NPHP3: variants seen among roughly 807,000 people sequenced by gnomAD.
NPHP3 encodes the protein nephrocystin 3.
Under a neutral mutation model 171.9 loss-of-function variants are expected in NPHP3, and 123 were observed. The ratio of observed to expected loss-of-function variants is 0.72; its 90% CI spans 0.62 to 0.83. The LOEUF (loss-of-function observed/expected upper bound fraction) is 0.83, where lower values mean the gene tolerates loss of function less well. Among genes scored for constraint, NPHP3 ranks in the 40% least tolerant of loss-of-function variants. The probability of loss-of-function intolerance (pLI) is 0.00; values close to 1 mark genes in which losing one functional copy is unlikely to be tolerated. For missense variants in NPHP3, 1,506 were observed against 1,591.9 expected (o/e 0.95, Z 0.92); for synonymous variants, 558 against 579.2 (o/e 0.96, Z 0.52).
intron 13 of NPHP3, 40 bp downstream of exon 13, chr3:132,699,313 C>T: frequency 7.3e-7 from 1 of 1,364,208 alleles, no homozygotes; most frequent in East Asian, 2.3e-5. Context: ...GTACTTAAAA[C>T]ATTTCATGTA....
intron 1 of NPHP3, 179 bp downstream of exon 1, chr3:132,721,782 CAA>C (rs764043912): frequency 2.3e-6 from 2 of 860,292 alleles, no homozygotes; most frequent in South Asian, 1.4e-5. Context: ...ACCCTGTCTC[CAA>C]AAAAAGAGAC....
chr3:132,681,821 ACAT>A lies in NPHP3; in HGVS notation c.*86_*88del, dbSNP rs1167245527. 6.5e-6 allele frequency: 8 copies of A among 1,233,292 alleles called. No individual in the cohort carries two copies. In the African/African-American group the frequency reaches 1.2e-4, roughly 18 times the overall value. The allele number at this position is 1,233,292 out of a possible 1,614,324, so 76.4% of individuals were successfully genotyped here. On this transcript the variant is annotated 3_prime_UTR_variant, in exon 27 of 27. Transcript: ENST00000337331. ...ATCACACGTAGTAAAATTTCGTACA[ACAT>A]TTTTTTAAAGTTTCAAATTCAAATG...
At chr3:132,707,952 C>A in intron 7 of NPHP3, 149 bp downstream of exon 7, 1 of 733,474 alleles carries the variant, frequency 1.4e-6, no homozygotes. Flanking sequence ...ATGAGGCCCC[C>A]TCTCCTCCTA....
chr3:132,689,314 T>C (rs113786479), intron 19 of NPHP3, 51 bp from the exon 20 acceptor site: 10 of 1,575,182 alleles, frequency 6.3e-6, no homozygotes, highest in Non-Finnish European at 8.7e-6. Context: ...TTAAAATCCA[T>C]TACAGAATCA....
At position 132,713,230 on chromosome 3, in the gene NPHP3, A is replaced by G. The variant is rs776100052; in HGVS notation, c.1014T>C (p.Ala338=). The change falls in exon 6 of 27, where the codon GCT becomes GCC. Residue 338 remains alanine (A), a synonymous_variant. Transcript: ENST00000337331. Reference sequence around the variant, plus strand: ...TTTCAACATCTATTGGAAAATAAACAGCATGGAAAAAATATCCCATTGTCT... The same window carrying G: ...TTTCAACATCTATTGGAAAATAAACGGCATGGAAAAAATATCCCATTGTCT... ...MCETMGYFFH[A]VYFPIDVENQ... is the part of the protein sequence containing the mutation. 1.2e-6 allele frequency: 2 copies of G among 1,602,076 alleles called. No individual in the cohort carries two copies. Among genetic ancestry groups the G allele is most frequent in the Non-Finnish European group, 1.7e-6 (2 of 1,172,372 alleles).
intron 1 of NPHP3, among the ~76,000 whole-genome samples, 173 bp from the exon 2 acceptor site, chr3:132,720,003 T>C (rs1484608358): frequency 6.6e-6 from 1 of 152,040 alleles, no homozygotes; most frequent in Admixed American, 6.5e-5. Flanking sequence ...CAAAACATGA[T>C]GGAAAAAAAC....
In NPHP3 at chr3:132,684,751, G is replaced by A. The variant is rs368138001; in HGVS notation, c.3373C>T (p.Arg1125Ter). 12 of 1,613,600 alleles carry A rather than the reference G, an allele frequency of 7.4e-6. No individual in the cohort carries two copies. The highest frequency in any genetic ancestry group is 3.3e-5 in the Admixed American group (2 of 59,986). The change falls in exon 24 of 27, where the codon CGA (arginine) becomes TGA (stop). Residue 1125 changes from arginine (R) to a stop codon, truncating the protein, a stop_gained. Coordinates refer to ENST00000337331, the MANE Select transcript of NPHP3 (RefSeq NM_153240.5). LOFTEE classifies it high-confidence loss of function. ...FLKRSLEMRERVLGPDHPDCA... is the reference protein window; with the variant it reads ...FLKRSLEMRE ...TCAGGGTGATCTGGTCCTAGAACTC[G>A]CTCCCTCATTTCTAAGGAACGCTTC...
At chr3:132,686,127 TA>T in intron 23 of NPHP3, 132 bp downstream of exon 23, 1 of 867,944 alleles carries the variant, frequency 1.2e-6, no homozygotes, top group Non-Finnish European at 1.9e-6. Flanking sequence ...GCTCATTATA[TA>T]ACATCATACA....
chr3:132,714,343 C>T (rs1576683778), intron 5 of NPHP3, among the ~76,000 whole-genome samples: 2 of 152,212 alleles, frequency 1.3e-5, no homozygotes, highest in Admixed American at 1.3e-4. Context: ...GCTATAGTGA[C>T]CCTTGCCTTA....
intron 6 of NPHP3, 35 bp downstream of exon 6, chr3:132,713,091 C>T (rs761475657): frequency 1.1e-5 from 13 of 1,176,334 alleles, no homozygotes; most frequent in East Asian, 2.5e-5. Context: ...TTACAGTTTA[C>T]TGCTTATAAT....
chr3:132,696,682 CA>C, intron 15 of NPHP3, 48 bp downstream of exon 15: 1 of 1,532,208 alleles, frequency 6.5e-7, no homozygotes, highest in Non-Finnish European at 9.0e-7. Flanking sequence ...AAAGGGTCTG[CA>C]GCAAACACAA....
chr3:132,708,133 C>A lies in NPHP3; in HGVS notation c.1243G>T (p.Val415Phe), dbSNP rs538529082. Residue 415 changes from valine (V) to phenylalanine (F), a missense_variant, in exon 7 of 27, where the codon GTT (valine) becomes TTT (phenylalanine). Val to Phe is a conservative substitution (Grantham distance 50). This residue lies in a region of NPHP3 where 930 missense variants were observed against 924.9 expected (regional missense o/e 1.01). Coordinates refer to ENST00000337331, the MANE Select transcript of NPHP3 (RefSeq NM_153240.5). Reference protein sequence around the residue: ...SDSVQQLIDQVSNLNKTSKAK... With the variant: ...SDSVQQLIDQFSNLNKTSKAK... Reference sequence around the variant, plus strand: ...TTGCTGGTCTTGTTTAGATTAGAAACTTGATCAATCAATTGCTGGACAGAG... The same window carrying A: ...TTGCTGGTCTTGTTTAGATTAGAAAATTGATCAATCAATTGCTGGACAGAG... 41 of 1,614,194 alleles carry A rather than the reference C, an allele frequency of 2.5e-5. No individual in the cohort carries two copies. The South Asian group carries it at 3.4e-4, about 13-fold the overall frequency.
Position 132,681,968 on chromosome 3 carries a change from G to A in NPHP3, c.3935C>T (p.Thr1312Met), listed in dbSNP as rs778488977. Reference protein sequence around the residue: ...APSRHSSSGDTFSLKTAHSPN... With the variant: ...APSRHSSSGDMFSLKTAHSPN... Reference sequence around the variant, plus strand: ...AGAATGAGCTGTTTTTAAGCTAAACGTGTCTCCACTTGATGAATGGCGTGA... The same window carrying A: ...AGAATGAGCTGTTTTTAAGCTAAACATGTCTCCACTTGATGAATGGCGTGA... The change falls in exon 27 of 27, where the codon ACG (threonine) becomes ATG (methionine). Residue 1312 changes from threonine to methionine, a missense_variant. Physicochemically the swap from Thr to Met is moderately conservative, Grantham distance 81 (BLOSUM62 -1). Coordinates refer to ENST00000337331, the MANE Select transcript of NPHP3 (RefSeq NM_153240.5). The A allele has an allele frequency of 6.2e-6, 10 of 1,613,934 alleles. No individual in the cohort carries two copies. Among genetic ancestry groups the A allele is most frequent in the Admixed American group, 1.7e-5 (1 of 60,004 alleles).
At chr3:132,684,497 T>A in intron 24 of NPHP3, 57 bp downstream of exon 24, 1 of 1,586,472 alleles carries the variant, frequency 6.3e-7, no homozygotes, top group Non-Finnish European at 8.6e-7. Context: ...TTGCTGATAG[T>A]AGTTATGGCT....
intron 7 of NPHP3, among the ~76,000 whole-genome samples, chr3:132,707,139 T>C (rs1317255851): frequency 1.3e-5 from 2 of 152,196 alleles, no homozygotes; most frequent in African/African-American, 4.8e-5. Flanking sequence ...ATAAAAAGCC[T>C]GTAATATGTA....
chr3:132,699,948 G>C lies in NPHP3; in HGVS notation c.1857C>G (p.Ile619Met), dbSNP rs780013712. 8 of 1,614,142 alleles carry C rather than the reference G, an allele frequency of 5.0e-6. No homozygotes were observed. The highest frequency in any genetic ancestry group is 6.8e-6 in the Non-Finnish European group (8 of 1,180,022). ...KLSARHQGSI[I>M]IVIDSIDQVQ... ...CTTGATCTATAGAATCAATAACGAT[G>C]ATGATGCTGCCTTGATGACGAGCAG... The change falls in exon 12 of 27, where the codon ATC (isoleucine) becomes ATG (methionine). Residue 619 changes from isoleucine (I) to methionine (M), a missense_variant. By Grantham distance (10) the Ile-to-Met change is conservative (BLOSUM62 1). Coordinates refer to ENST00000337331, the MANE Select transcript of NPHP3 (RefSeq NM_153240.5).
In NPHP3 at chr3:132,686,323, G is replaced by A. The variant is rs775640658; in HGVS notation, c.3266C>T (p.Thr1089Ile). The A allele has an allele frequency of 3.1e-6, 5 of 1,613,512 alleles. 1 individual carries two copies. The Middle Eastern group carries it at 8.2e-4, about 266-fold the overall frequency. ...ATTGAGGGTCCGAGCATTATCAGGTGTGTCCTTACCTAATGTAAGCTCTTC... is the reference window on the plus strand; with the variant it reads ...ATTGAGGGTCCGAGCATTATCAGGTATGTCCTTACCTAATGTAAGCTCTTC... ...QLEELTLGKD[T>I]PDNARTLNEL... Residue 1089 changes from threonine (T) to isoleucine (I), a missense_variant, in exon 23 of 27, where the codon ACA (threonine) becomes ATA (isoleucine). Coordinates refer to ENST00000337331, the MANE Select transcript of NPHP3 (RefSeq NM_153240.5).
chr3:132,695,147 C>CTA (rs1361838260), intron 15 of NPHP3, 182 bp from the exon 16 acceptor site: 8 of 588,964 alleles, frequency 1.4e-5, no homozygotes, highest in Middle Eastern at 4.5e-4. Context: ...GTTTATTTTA[C>CTA]TATATATAAT....
chr3:132,718,464 T>C (rs1359261907), intron 3 of NPHP3, among the ~76,000 whole-genome samples: 1 of 152,244 alleles, frequency 6.6e-6, no homozygotes, highest in Non-Finnish European at 1.5e-5. Context: ...AAAGAATACA[T>C]CATTATGTAA....
Sources: allele counts gnomAD v4.1 joint callset (sites outside exome capture counted in the v4.1 genomes callset), GRCh38; gene constraint gnomAD v4.1.1; regional missense constraint gnomAD v4.1.1; transcripts MANE v1.5; gene names NCBI Gene and HGNC (gene_info 2026-07-23, HGNC 2026-07-21).